The following RIF1 variants were observed in gnomAD, a reference collection of about 807,000 sequenced individuals.
RIF1 encodes telomere-associated protein RIF1.
A neutral mutation model predicts 247.1 loss-of-function variants in RIF1; 45 were observed. The observed-to-expected ratio is 0.18, with a 90% CI of 0.14 to 0.23. The LOEUF is 0.23. Among genes scored for constraint, RIF1 ranks in the 10% least tolerant of loss-of-function variants. The pLI is 1.00. For missense variants in RIF1, 2,967 were observed against 2,862.5 expected, an observed-to-expected ratio of 1.04 and a Z score of -0.83; for synonymous variants, 1,087 against 978.8, an observed-to-expected ratio of 1.11 and a Z score of -2.06.
At chr2:151,490,597 A>C (rs1005937242) in intron 9 of RIF1, 28 of 1,495,480 alleles carry the variant, frequency 1.9e-5, no homozygotes, top group Non-Finnish European at 2.4e-5. Context: ...ATTGAATCTC[A>C]GTTATTGTTA....
chr2:151,453,855 T>G (rs1574077442), intron 21 of RIF1, among the ~76,000 whole-genome samples: 1 of 152,356 alleles, frequency 6.6e-6, no homozygotes, highest in East Asian at 1.9e-4. Context: ...CTAGATACAC[T>G]TTCATTTACC....
At chr2:151,458,067 G>A in intron 24 of RIF1, 104 bp downstream of exon 24, 1 of 743,160 alleles carries the variant, frequency 1.3e-6, no homozygotes, top group Non-Finnish European at 2.2e-6. Context: ...TTGTTACAGA[G>A]GATTCCTTAG....
At chr2:151,451,137 C>T (rs944053985) in intron 20 of RIF1, among the ~76,000 whole-genome samples, 15 of 152,304 alleles carry the variant, frequency 9.8e-5, no homozygotes, top group Admixed American at 9.2e-4. Context: ...CGCCTCATAA[C>T]AATGTGTCAG....
chr2:151,498,830 T>C (rs953879684), intron 10 of RIF1, among the ~76,000 whole-genome samples: 1 of 151,882 alleles, frequency 6.6e-6, no homozygotes. Context: ...TAATTTTTAG[T>C]TTGGGTGAAC....
chr2:151,441,947 T>C lies in RIF1; in HGVS notation c.1690T>C (p.Leu564=). 6.4e-7 allele frequency: 1 copy of C among 1,568,990 alleles called. No individual in the cohort carries two copies. The highest frequency in any genetic ancestry group is 1.2e-5 in the South Asian group (1 of 86,116). The stretch of plus-strand genomic sequence containing the variant: ...AATTAAAGGACTTCCTCAGAAAGTA[T>C]TAGGTTCACCAGCATATCAGGTTGC... ...ITIKGLPQKV[L]GSPAYQVANM... The change falls in exon 16 of 36, where the codon TTA becomes CTA. Residue 564 remains leucine (L), a synonymous_variant. Transcript: ENST00000444746.
Position 151,465,823 on chromosome 2 carries a change from T to C in RIF1, c.6303T>C (p.Asn2101=), listed in dbSNP as rs145076005. ...YSKSEEKLDN[N]QMVMESDILQ... Reference sequence around the variant, plus strand: ...AATCTGAAGAAAAATTAGATAACAATCAAATGGTAATGGAAAGTGATATTT... The same window carrying C: ...AATCTGAAGAAAAATTAGATAACAACCAAATGGTAATGGAAAGTGATATTT... Residue 2101 remains asparagine, a synonymous_variant, in exon 30 of 36, where the codon AAT becomes AAC. Transcript: ENST00000444746. 247 of 1,612,944 alleles carry C rather than the reference T, an allele frequency of 1.5e-4. No individual in the cohort carries two copies. The highest frequency in any genetic ancestry group is 6.3e-4 in the Admixed American group (38 of 59,970).
At position 151,468,570 on chromosome 2, in the gene RIF1, T is replaced by C; in HGVS notation, c.6825+19T>C. 1 of 1,606,086 alleles carries C rather than the reference T, an allele frequency of 6.2e-7. No individual in the cohort carries two copies. Among genetic ancestry groups the C allele is most frequent in the Non-Finnish European group, 8.5e-7 (1 of 1,172,680 alleles). On this transcript the variant is annotated intron_variant, in intron 32 of 35. Coordinates refer to ENST00000444746, the MANE Select transcript of RIF1 (RefSeq NM_018151.5). Reference sequence around the variant, plus strand: ...GTGTTTAGTAAGAAGTGCTTTAGTTTTCATGTCACTTTATATTTTCATGTT... The same window carrying C: ...GTGTTTAGTAAGAAGTGCTTTAGTTCTCATGTCACTTTATATTTTCATGTT...
the RIF1 span, among the ~76,000 whole-genome samples, chr2:151,517,144 T>TA: frequency 1.3e-5 from 2 of 152,284 alleles, no homozygotes; most frequent in Non-Finnish European, 2.9e-5. Flanking sequence ...ACTGACTTGT[T>TA]AAAAAACCTG....
rs1406141358 is a variant in RIF1, at chr2:151,478,976, A to G, written c.*3905A>G. 6.6e-6 allele frequency: 1 copy of G among 152,214 alleles called. No individual in the cohort carries two copies. Among genetic ancestry groups the G allele is most frequent in the African/African-American group, 2.4e-5 (1 of 41,464 alleles). 9.4% of individuals were successfully genotyped at this position (152,214 alleles called of 1,614,324 possible). ...ACCTTGTACTTTGTATAGAAACATT[A>G]GAGTGAGGTTTTGATTTTTAACATA... On this transcript the variant is annotated 3_prime_UTR_variant, in exon 36 of 36. Coordinates refer to ENST00000444746, the MANE Select transcript of RIF1 (RefSeq NM_018151.5).
Position 151,492,319 on chromosome 2 carries a change from G to C in RIF1, c.*416-2910G>C, listed in dbSNP as rs772460538. 3 of 1,600,148 alleles carry C rather than the reference G, an allele frequency of 1.9e-6. No individual in the cohort carries two copies. In the East Asian group the frequency reaches 6.7e-5, roughly 36 times the overall value. On this transcript the variant is annotated intron_variant and NMD_transcript_variant, in intron 9 of 13. Coordinates refer to the RIF1 transcript ENST00000454583. ...GAATTTGCTTTATGAAAATATGATGGTGTGACTATATCCCTTTTTACACAT... is the reference window on the plus strand; with the variant it reads ...GAATTTGCTTTATGAAAATATGATGCTGTGACTATATCCCTTTTTACACAT...
chr2:151,455,106 A>T lies in RIF1; in HGVS notation c.2556A>T (p.Arg852=), dbSNP rs370753858. Reference sequence around the variant, plus strand: ...ATATTTCTTTGCCTTCTATGATCCGAAAAATATTTGCAACTTTAACAAGAC... The same window carrying T: ...ATATTTCTTTGCCTTCTATGATCCGTAAAATATTTGCAACTTTAACAAGAC... ...LGHISLPSMI[R]KIFATLTRPL... Residue 852 remains arginine, a synonymous_variant, in exon 22 of 36, where the codon CGA becomes CGT. Coordinates refer to ENST00000444746, the MANE Select transcript of RIF1 (RefSeq NM_018151.5). The T allele has an allele frequency of 6.2e-7, 1 of 1,613,006 alleles. No individual in the cohort carries two copies. The highest frequency in any genetic ancestry group is 8.5e-7 in the Non-Finnish European group (1 of 1,179,504).
intron 9 of RIF1, chr2:151,493,097 CA>C (rs932566215): frequency 2.5e-6 from 1 of 399,812 alleles, no homozygotes; most frequent in African/African-American, 2.1e-5. Flanking sequence ...GGAAGGAAAA[CA>C]TTGGCAATTA....
chr2:151,469,717 A>G lies in RIF1; in HGVS notation c.6948A>G (p.Arg2316=). 1 of 1,558,162 alleles carries G rather than the reference A, an allele frequency of 6.4e-7. No homozygotes were observed. Among genetic ancestry groups the G allele is most frequent in the Non-Finnish European group, 8.6e-7 (1 of 1,156,170 alleles). Residue 2316 remains arginine (R), a synonymous_variant, in exon 34 of 36, where the codon AGA becomes AGG. Coordinates refer to ENST00000444746, the MANE Select transcript of RIF1 (RefSeq NM_018151.5). ...LPQITSNMWA[R]GLGQLIRAKN... is the part of the protein sequence containing the mutation. ...CTGTTTCTGTTTTGTTTAGGGCAAG[A>G]GGCCTGGGACAACTCATTAGAGCTA...
rs180857677 is a variant in RIF1 at position 151,497,191 on chromosome 2, T to C, written c.*513+1865T>C. 108 of 740,458 alleles carry C rather than the reference T, an allele frequency of 1.5e-4. 1 individual carries two copies. The African/African-American group carries it at 1.7e-3, about 12-fold the overall frequency. 45.9% of individuals were successfully genotyped at this position (740,458 alleles called of 1,614,324 possible). A position where few individuals can be genotyped will look rare whatever the true frequency, so the allele number is the denominator to read the frequency against. ...CAAAATGCCACCGACTACTTTACTT[T>C]AGTGGAAGTTGTTGGGATGGGGAAT... On this transcript the variant is annotated intron_variant and NMD_transcript_variant, in intron 10 of 13. Coordinates refer to the RIF1 transcript ENST00000454583.
In RIF1 at chr2:151,463,232, T is replaced by C. The variant is rs551767990; in HGVS notation, c.3712T>C (p.Ser1238Pro). Reference sequence around the variant, plus strand: ...TTCAGAAAATAGACCTTTTAGTCCATCCCCCTTGAATAATATTTCATCAAC... The same window carrying C: ...TTCAGAAAATAGACCTTTTAGTCCACCCCCCTTGAATAATATTTCATCAAC... ...DGSENRPFSP[S>P]PLNNISSTVT... is the part of the protein sequence containing the mutation. The change falls in exon 30 of 36, where the codon TCC becomes CCC. Residue 1238 changes from serine (S) to proline (P), a missense_variant. Ser to Pro is a moderately conservative substitution (Grantham distance 74). Around this residue, in one of 7 missense-constraint regions of RIF1, gnomAD observed 2,028 missense variants for 1,825.6 expected, o/e 1.11. Coordinates refer to ENST00000444746, the MANE Select transcript of RIF1 (RefSeq NM_018151.5). 226 of 1,613,556 alleles carry C rather than the reference T, an allele frequency of 1.4e-4. 2 individuals are homozygous for C. The South Asian group carries it at 2.3e-3, about 17-fold the overall frequency.
chr2:151,412,862 C>T (rs1351634682), intron 3 of RIF1, among the ~76,000 whole-genome samples: 4 of 152,026 alleles, frequency 2.6e-5, no homozygotes, highest in Non-Finnish European at 4.4e-5. Flanking sequence ...GAGATACTGC[C>T]TACTCTTGGT....
the RIF1 span, chr2:151,527,633 T>G: frequency 7.3e-7 from 1 of 1,369,814 alleles, no homozygotes; most frequent in Admixed American, 1.9e-5. Context: ...GTAGGCTAAA[T>G]TCATAAACAC....
At chr2:151,417,017 A>G in intron 6 of RIF1, 116 bp downstream of exon 6, 1 of 705,062 alleles carries the variant, frequency 1.4e-6, no homozygotes. Flanking sequence ...TGTCATTTAC[A>G]CCAAACGACT....
At chr2:151,412,351 T>A (rs952732534) in intron 3 of RIF1, among the ~76,000 whole-genome samples, 1 of 152,192 alleles carries the variant, frequency 6.6e-6, no homozygotes, top group Non-Finnish European at 1.5e-5. Context: ...TTTATTTTTG[T>A]TTTTAATTTT....
Sources: gnomAD v4.1 joint callset for allele counts (sites outside exome capture counted in the v4.1 genomes callset) on GRCh38, gnomAD v4.1.1 for gene constraint, gnomAD v4.1.1 regional missense constraint, MANE v1.5 for transcripts, NCBI Gene and HGNC (gene_info 2026-07-23, HGNC 2026-07-21) for gene names.